DPYD: variants seen among roughly 807,000 people sequenced by gnomAD.
The protein encoded by DPYD is dihydropyrimidine dehydrogenase [NADP(+)].
Under a neutral mutation model 116.2 loss-of-function variants are expected in DPYD, and 109 were observed. That is an observed-to-expected ratio of 0.94 (90% CI 0.80 to 1.10). The LOEUF is 1.10. DPYD is among the 50% of genes least tolerant of loss of function. The pLI is 0.00. For synonymous variants in DPYD, 440 were observed against 432.0 expected (o/e 1.02, Z -0.23); for missense variants, 1,302 against 1,254.5 (o/e 1.04, Z -0.57).
chr1:97,324,622 T>A (rs1668618095), intron 16 of DPYD, among the ~76,000 whole-genome samples: 1 of 152,116 alleles, frequency 6.6e-6, no homozygotes, highest in South Asian at 2.1e-4. Context: ...AGTTATAGTT[T>A]CAGTTGTGAC....
At chr1:97,895,069 A>G (rs1171786766) in intron 1 of DPYD, among the ~76,000 whole-genome samples, 1 of 151,820 alleles carries the variant, frequency 6.6e-6, no homozygotes, top group Non-Finnish European at 1.5e-5. Flanking sequence ...AAGAAAATCT[A>G]TATTTTAGCA....
chr1:97,832,023 T>G (rs987151669), intron 2 of DPYD, among the ~76,000 whole-genome samples: 15 of 149,422 alleles, frequency 1.0e-4, no homozygotes, highest in Non-Finnish European at 2.2e-4. Context: ...TGGTACACAT[T>G]ATAGCTTTAA....
chr1:97,220,202 T>C (rs1430428295), intron 19 of DPYD, among the ~76,000 whole-genome samples: 1 of 152,064 alleles, frequency 6.6e-6, no homozygotes. Flanking sequence ...ATTCACAGAT[T>C]AATGCACTAT....
chr1:97,458,338 C>T (rs551709246), intron 13 of DPYD, among the ~76,000 whole-genome samples: 50 of 152,148 alleles, frequency 3.3e-4, no homozygotes, highest in African/African-American at 1.1e-3. Flanking sequence ...ATTTCTACAA[C>T]ATGGTTAACA....
chr1:97,901,667 G>T (rs979762978), intron 1 of DPYD, among the ~76,000 whole-genome samples: 1 of 151,676 alleles, frequency 6.6e-6, no homozygotes, highest in Non-Finnish European at 1.5e-5. Flanking sequence ...AGTACTGTTT[G>T]GCTCATCACT....
intron 5 of DPYD, among the ~76,000 whole-genome samples, chr1:97,710,171 T>G (rs2100999339): frequency 6.6e-6 from 1 of 151,958 alleles, no homozygotes; most frequent in Non-Finnish European, 1.5e-5. Flanking sequence ...CTTTTGCTCG[T>G]TTCAGTTTCT....
At chr1:97,268,715 G>A (rs1664387991) in intron 18 of DPYD, among the ~76,000 whole-genome samples, 1 of 152,116 alleles carries the variant, frequency 6.6e-6, no homozygotes, top group African/African-American at 2.4e-5. Context: ...ACCTAATGCT[G>A]AGGTCCGATA....
At chr1:97,692,274 G>A (rs1051783314) in intron 6 of DPYD, among the ~76,000 whole-genome samples, 6 of 151,940 alleles carry the variant, frequency 3.9e-5, no homozygotes, top group Non-Finnish European at 8.8e-5. Context: ...ATGCAAATGT[G>A]TAACTGTATT....
At chr1:97,718,592 T>C (rs1256079673) in intron 5 of DPYD, among the ~76,000 whole-genome samples, 1 of 151,970 alleles carries the variant, frequency 6.6e-6, no homozygotes, top group Non-Finnish European at 1.5e-5. Context: ...ACACAAATCC[T>C]GGAAGACTGG....
intron 1 of DPYD, among the ~76,000 whole-genome samples, chr1:97,920,683 G>C (rs890564548): frequency 2.6e-5 from 4 of 152,204 alleles, no homozygotes; most frequent in Non-Finnish European, 5.9e-5. Flanking sequence ...GTAGCGGAAA[G>C]TCCTCCCCTG....
At chr1:97,252,729 T>C (rs1445510050) in intron 18 of DPYD, among the ~76,000 whole-genome samples, 1 of 152,168 alleles carries the variant, frequency 6.6e-6, no homozygotes, top group Non-Finnish European at 1.5e-5. Flanking sequence ...CATATTAAAC[T>C]ATAACACTTT....
In DPYD at chr1:97,193,228, A is replaced by G. The variant is rs1457477681; in HGVS notation, c.2463T>C (p.Asn821=). 7 of 1,613,634 alleles carry G rather than the reference A, an allele frequency of 4.3e-6. No individual in the cohort carries two copies. The highest frequency in any genetic ancestry group is 5.1e-6 in the Non-Finnish European group (6 of 1,179,866). ...AGTCTTCGATCACAGTGAAATCCTG[A>G]TTCTGAATGGCACTGCATACCTAGA... The part of the protein sequence containing the change: ...SVLQVCSAIQ[N]QDFTVIEDYC... Residue 821 remains asparagine, a synonymous_variant, in exon 20 of 23, where the codon AAT becomes AAC. Coordinates refer to ENST00000370192, the MANE Select transcript of DPYD (RefSeq NM_000110.4).
At chr1:97,794,980 T>C (rs1217026936) in intron 3 of DPYD, among the ~76,000 whole-genome samples, 1 of 152,146 alleles carries the variant, frequency 6.6e-6, no homozygotes, top group Non-Finnish European at 1.5e-5. Flanking sequence ...CTAATCTTGT[T>C]TGTTCTAGTA....
chr1:97,876,087 A>G (rs1671900447), intron 2 of DPYD, among the ~76,000 whole-genome samples: 1 of 151,988 alleles, frequency 6.6e-6, no homozygotes, highest in African/African-American at 2.4e-5. Flanking sequence ...TATATTTAGT[A>G]ATATATTATT....
chr1:97,559,661 A>G (rs901734591), intron 11 of DPYD, among the ~76,000 whole-genome samples: 3 of 151,774 alleles, frequency 2.0e-5, no homozygotes, highest in African/African-American at 7.3e-5. Flanking sequence ...TTCCTTGTCA[A>G]TCGTCAGTAG....
chr1:97,476,996 C>T (rs1050342635), intron 13 of DPYD, among the ~76,000 whole-genome samples: 4 of 152,158 alleles, frequency 2.6e-5, no homozygotes, highest in Non-Finnish European at 4.4e-5. Flanking sequence ...AGAGTCAAAA[C>T]CTTTCTGCTG....
chr1:97,525,296 AAATG>A (rs1648971268), intron 12 of DPYD, among the ~76,000 whole-genome samples: 1 of 152,182 alleles, frequency 6.6e-6, no homozygotes, highest in Non-Finnish European at 1.5e-5. Flanking sequence ...AAAACTCATC[AAATG>A]GTATAATGGA....
chr1:97,748,845 T>C (rs1272999944), intron 3 of DPYD, among the ~76,000 whole-genome samples: 2 of 152,140 alleles, frequency 1.3e-5, no homozygotes, highest in Non-Finnish European at 2.9e-5. Context: ...CCCATGGTAA[T>C]GGTATGATGT....
Position 97,187,597 on chromosome 1 carries a change from G to T in DPYD, c.2622+5472C>A, listed in dbSNP as rs780085995. Among the ~76,000 whole-genome samples the T allele has an allele frequency of 6.3e-4, 96 of 151,712 alleles. 1 individual carries two copies. The highest frequency in any genetic ancestry group is 7.5e-4 in the Non-Finnish European group (51 of 67,888). The stretch of plus-strand genomic sequence containing the variant: ...TTTTAAGTCCCATTTGTCTATTTTT[G>T]GTTTTGTTGCATTTGTTTTTGAGGT... On this transcript the variant is annotated intron_variant, in intron 20 of 22. Transcript: ENST00000370192.
Sources: gnomAD v4.1 joint callset for allele counts (sites outside exome capture counted in the v4.1 genomes callset) on GRCh38, gnomAD v4.1.1 for gene constraint, MANE v1.5 for transcripts, NCBI Gene and HGNC (gene_info 2026-07-23, HGNC 2026-07-21) for gene names.